KANSL1: variants seen among roughly 807,000 people sequenced by gnomAD.
KANSL1 encodes KAT8 regulatory NSL complex subunit 1, also known as MLL1/MLL complex subunit KANSL1.
In KANSL1, 22 loss-of-function variants were observed where a neutral mutation model predicts 103.6. The ratio of observed to expected loss-of-function variants is 0.21; its 90% CI spans 0.15 to 0.30. The LOEUF (loss-of-function observed/expected upper bound fraction) is 0.30, where lower values mean the gene tolerates loss of function less well. KANSL1 is among the 10% of genes least tolerant of loss of function. The pLI is 1.00. For missense variants in KANSL1, 1,337 were observed against 1,399.8 expected, an observed-to-expected ratio of 0.96 and a Z score of 0.72; for synonymous variants, 600 against 527.6, an observed-to-expected ratio of 1.14 and a Z score of -1.88.
At chr17:46,075,112 G>A (rs996948731) in intron 4 of KANSL1, among the ~76,000 whole-genome samples, 2 of 152,152 alleles carry the variant, frequency 1.3e-5, no homozygotes, top group East Asian at 3.9e-4. Context: ...GACATTTAGA[G>A]ATGCAAAAAC....
At chr17:46,219,354 A>AT (rs36095795) in intron 1 of KANSL1, among the ~76,000 whole-genome samples, 40 of 144,288 alleles carry the variant, frequency 2.8e-4, no homozygotes, top group African/African-American at 5.7e-4. Flanking sequence ...GAACAAGTTA[A>AT]TTTTTTTTTT....
chr17:46,031,333 AAT>A lies in KANSL1; in HGVS notation c.*141_*142del, dbSNP rs2077000236. 2 of 808,286 alleles carry A rather than the reference AAT, an allele frequency of 2.5e-6. No homozygotes were observed. Among genetic ancestry groups the A allele is most frequent in the Non-Finnish European group, 3.8e-6 (2 of 525,256 alleles). The allele number at this position is 808,286 out of a possible 1,614,324, so 50.1% of individuals were successfully genotyped here. On this transcript the variant is annotated 3_prime_UTR_variant, in exon 15 of 15. Transcript: ENST00000432791. ...AACAAAAATTAAAACAAGAAAAAAA[AAT>A]ACCAAAGTAGGATCTAAATTCCTTA...
Position 46,106,035 on chromosome 17 carries a change from C to G in KANSL1, c.1290-11334G>C, listed in dbSNP as rs1012331967. On this transcript the variant is annotated intron_variant, in intron 2 of 14. Transcript: ENST00000432791. ...CCCTACTACCCCAGTCCCACATATT[C>G]CACAGGGAGAACTTGCCTCCGGCTA... Among the ~76,000 whole-genome samples the G allele has an allele frequency of 1.4e-4, 21 of 152,120 alleles. 1 individual carries two copies.
At chr17:46,039,290 G>A (rs963628617) in intron 8 of KANSL1, 75 bp from the exon 9 acceptor site, 19 of 1,395,786 alleles carry the variant, frequency 1.4e-5, no homozygotes, top group South Asian at 1.0e-4. Context: ...CCAAGCTCTC[G>A]AGTTCTCTCT....
intron 1 of KANSL1, among the ~76,000 whole-genome samples, chr17:46,182,067 G>A (rs1159019882): frequency 6.6e-6 from 1 of 152,160 alleles, no homozygotes; most frequent in Admixed American, 6.5e-5. Flanking sequence ...CTATTTCCAA[G>A]ACAAGCAAAA....
chr17:46,155,969 G>C (rs1218596891), intron 2 of KANSL1, among the ~76,000 whole-genome samples: 1 of 152,148 alleles, frequency 6.6e-6, no homozygotes, highest in Non-Finnish European at 1.5e-5. Context: ...ATCCTTTCTT[G>C]TGATAGCTAT....
chr17:46,173,624 A>G (rs1336739893), intron 1 of KANSL1, among the ~76,000 whole-genome samples: 1 of 152,232 alleles, frequency 6.6e-6, no homozygotes, highest in Non-Finnish European at 1.5e-5. Context: ...TGCCTTTTAC[A>G]CTGTGTTGAC....
chr17:46,209,364 C>G (rs910894779), intron 1 of KANSL1, among the ~76,000 whole-genome samples: 12 of 152,182 alleles, frequency 7.9e-5, no homozygotes, highest in South Asian at 6.2e-4. Flanking sequence ...GAAAAGCTAT[C>G]TAAATTACTC....
chr17:46,068,117 C>T (rs1296736724), intron 4 of KANSL1, among the ~76,000 whole-genome samples: 2 of 151,918 alleles, frequency 1.3e-5, no homozygotes, highest in Non-Finnish European at 2.9e-5. Flanking sequence ...AAAACAATTA[C>T]ACAGTAACAT....
intron 1 of KANSL1, among the ~76,000 whole-genome samples, chr17:46,213,288 TTTG>T (rs138336096): frequency 0.088 from 13,318 of 151,384 alleles, 11 homozygotes; most frequent in Non-Finnish European, 0.12. Flanking sequence ...TTATTTGTTT[TTTG>T]TTGTTGTTGT....
chr17:46,089,577 A>G (rs965617202), intron 3 of KANSL1, among the ~76,000 whole-genome samples: 14 of 151,958 alleles, frequency 9.2e-5, no homozygotes, highest in Non-Finnish European at 1.3e-4. Flanking sequence ...AAAAAAAAAA[A>G]AAGACCTGTG....
intron 2 of KANSL1, among the ~76,000 whole-genome samples, chr17:46,098,461 T>C (rs1014237238): frequency 7.9e-5 from 12 of 152,210 alleles, no homozygotes; most frequent in African/African-American, 2.4e-4. Context: ...TGCAGCTCCT[T>C]TGAAAATACA....
chr17:46,089,263 A>G (rs1218636092), intron 3 of KANSL1, among the ~76,000 whole-genome samples: 5 of 152,184 alleles, frequency 3.3e-5, no homozygotes, highest in African/African-American at 1.2e-4. Flanking sequence ...TAGAAGTTAT[A>G]TTCTTTCTCC....
intron 2 of KANSL1, among the ~76,000 whole-genome samples, chr17:46,115,227 T>A (rs2042992049): frequency 8.9e-6 from 1 of 112,752 alleles, no homozygotes; most frequent in Admixed American, 9.6e-5. Context: ...ACCCAGCTAA[T>A]TTTTTTATTT....
At chr17:46,031,792 A>C in intron 14 of KANSL1, 89 bp from the exon 15 acceptor site, 1 of 1,263,514 alleles carries the variant, frequency 7.9e-7, no homozygotes, top group South Asian at 1.4e-5. Context: ...TGTGGCCTGG[A>C]GCCTAGGACC....
chr17:46,096,136 A>ATT (rs60771086), intron 2 of KANSL1, among the ~76,000 whole-genome samples: 6 of 137,460 alleles, frequency 4.4e-5, no homozygotes, highest in Non-Finnish European at 6.3e-5. Flanking sequence ...ATGATACTGT[A>ATT]TTTTTTTTTT....
At chr17:46,120,926 C>T (rs567509435) in intron 2 of KANSL1, among the ~76,000 whole-genome samples, 26 of 152,248 alleles carry the variant, frequency 1.7e-4, no homozygotes, top group African/African-American at 6.3e-4. Context: ...AACTGAACTC[C>T]GATCTTCTCC....
chr17:46,070,582 T>C (rs2078538363), intron 4 of KANSL1, among the ~76,000 whole-genome samples: 1 of 152,170 alleles, frequency 6.6e-6, no homozygotes, highest in South Asian at 2.1e-4. Context: ...TTCAGGTTGG[T>C]ATTAACTAAC....
At chr17:46,052,685 C>G (rs2077752555) in intron 6 of KANSL1, among the ~76,000 whole-genome samples, 2 of 150,210 alleles carry the variant, frequency 1.3e-5, no homozygotes, top group Non-Finnish European at 3.0e-5. Flanking sequence ...TGGCTCACAA[C>G]TGTAATCCCA....
Sources: gnomAD v4.1 joint callset for allele counts (sites outside exome capture counted in the v4.1 genomes callset) on GRCh38, gnomAD v4.1.1 for gene constraint, MANE v1.5 for transcripts, NCBI Gene and HGNC (gene_info 2026-07-23, HGNC 2026-07-21) for gene names.